ZFHX3: variants seen among roughly 807,000 people sequenced by gnomAD.
ZFHX3 encodes zinc finger homeobox 3, also known as zinc finger homeobox protein 3.
A neutral mutation model predicts 279.1 loss-of-function variants in ZFHX3; 42 were observed. That is an observed-to-expected ratio of 0.15 (90% CI 0.12 to 0.19). The LOEUF (loss-of-function observed/expected upper bound fraction) is 0.19. ZFHX3 is among the 10% of genes least tolerant of loss of function. ZFHX3 has a pLI of 1.00. For missense variants in ZFHX3, 4,981 were observed against 4,754.0 expected, an observed-to-expected ratio of 1.05 and a Z score of -1.40; for synonymous variants, 2,293 against 1,957.8, an observed-to-expected ratio of 1.17 and a Z score of -4.52.
intron 3 of ZFHX3, among the ~76,000 whole-genome samples, chr16:73,384,476 G>A (rs188174794): frequency 2.6e-5 from 4 of 152,340 alleles, no homozygotes; most frequent in South Asian, 2.1e-4. Context: ...CACCCTTTGC[G>A]AAGCAAGGTT....
intron 5 of ZFHX3, among the ~76,000 whole-genome samples, chr16:73,249,064 TC>T (rs2013399974): frequency 6.6e-6 from 1 of 152,184 alleles, no homozygotes; most frequent in South Asian, 2.1e-4. Context: ...CACACTGACC[TC>T]AATAATACGC....
intron 2 of ZFHX3, among the ~76,000 whole-genome samples, chr16:73,596,742 A>G (rs962450815): frequency 6.6e-6 from 1 of 152,160 alleles, no homozygotes; most frequent in African/African-American, 2.4e-5. Flanking sequence ...CTATTACTCT[A>G]TCTTCTCTAC....
intron 5 of ZFHX3, among the ~76,000 whole-genome samples, chr16:73,209,590 C>A (rs572951598): frequency 6.6e-6 from 1 of 152,270 alleles, no homozygotes; most frequent in South Asian, 2.1e-4. Flanking sequence ...GTCCCATCTC[C>A]CAACATTGTT....
intron 3 of ZFHX3, among the ~76,000 whole-genome samples, chr16:73,371,581 CATCCACCAA>C (rs1184534858): frequency 3.3e-5 from 5 of 151,912 alleles, no homozygotes; most frequent in African/African-American, 1.2e-4. Context: ...CAGGAAGCTC[CATCCACCAA>C]AAGGAACTGG....
chr16:73,203,099 C>T (rs989962492), intron 5 of ZFHX3, among the ~76,000 whole-genome samples: 1 of 152,220 alleles, frequency 6.6e-6, no homozygotes, highest in Middle Eastern at 3.4e-3. Flanking sequence ...CTCACACAGC[C>T]TCTTGGTGCC....
At chr16:73,475,592 A>G (rs1156746401) in intron 2 of ZFHX3, among the ~76,000 whole-genome samples, 1 of 152,152 alleles carries the variant, frequency 6.6e-6, no homozygotes, top group Non-Finnish European at 1.5e-5. Context: ...AGTATTACAT[A>G]TAAAAAGTAC....
At chr16:72,810,118 T>C (rs2036397775) in intron 7 of ZFHX3, among the ~76,000 whole-genome samples, 1 of 152,158 alleles carries the variant, frequency 6.6e-6, no homozygotes, top group African/African-American at 2.4e-5. Flanking sequence ...TCTCCTGACC[T>C]CGTGATCCAC....
intron 3 of ZFHX3, among the ~76,000 whole-genome samples, chr16:72,904,058 A>G (rs1285864726): frequency 6.6e-6 from 1 of 152,218 alleles, no homozygotes; most frequent in Non-Finnish European, 1.5e-5. Context: ...AGTTCTCAGC[A>G]CAGCTCCTGA....
intron 4 of ZFHX3, among the ~76,000 whole-genome samples, chr16:73,274,458 T>C (rs2014238980): frequency 6.6e-6 from 1 of 152,232 alleles, no homozygotes; most frequent in South Asian, 2.1e-4. Flanking sequence ...TTCACTTATG[T>C]TCTATTCTAT....
chr16:73,140,182 T>C (rs894548801), intron 6 of ZFHX3, among the ~76,000 whole-genome samples: 3 of 151,340 alleles, frequency 2.0e-5, no homozygotes, highest in East Asian at 2.0e-4. Context: ...TTGGGAAGGA[T>C]TGCTTAAGTT....
intron 3 of ZFHX3, among the ~76,000 whole-genome samples, chr16:72,935,815 C>T (rs1428654911): frequency 6.6e-6 from 1 of 151,998 alleles, no homozygotes; most frequent in African/African-American, 2.4e-5. Flanking sequence ...CCCCAAGACC[C>T]TGGGAAGGCT....
chr16:73,368,639 T>G (rs2016571420), intron 3 of ZFHX3, among the ~76,000 whole-genome samples: 1 of 152,274 alleles, frequency 6.6e-6, no homozygotes. Flanking sequence ...GCACCTTGAC[T>G]ATATTATCCA....
intron 1 of ZFHX3, among the ~76,000 whole-genome samples, chr16:73,760,474 C>A (rs2053852676): frequency 1.3e-5 from 2 of 151,632 alleles, no homozygotes; most frequent in African/African-American, 4.8e-5. Flanking sequence ...AAGCTGGCAG[C>A]ATCATCCTGA....
chr16:73,884,658 C>G (rs537059863), intron 1 of ZFHX3, among the ~76,000 whole-genome samples: 1 of 152,060 alleles, frequency 6.6e-6, no homozygotes, highest in African/African-American at 2.4e-5. Flanking sequence ...AGTCTTTATT[C>G]GCAAAACACA....
intron 3 of ZFHX3, among the ~76,000 whole-genome samples, chr16:72,896,685 A>G (rs2038909165): frequency 6.6e-6 from 1 of 152,208 alleles, no homozygotes; most frequent in African/African-American, 2.4e-5. Flanking sequence ...CCCAGGGAAA[A>G]CTAACCAACT....
chr16:73,004,343 T>G (rs1963626485), intron 1 of ZFHX3, among the ~76,000 whole-genome samples: 1 of 142,920 alleles, frequency 7.0e-6, no homozygotes, highest in Non-Finnish European at 1.5e-5. Flanking sequence ...TTTTTTTTTT[T>G]TTTGAGATGG....
intron 1 of ZFHX3, among the ~76,000 whole-genome samples, chr16:72,961,057 C>T (rs1014331805): frequency 3.3e-5 from 5 of 152,096 alleles, no homozygotes; most frequent in African/African-American, 7.2e-5. Context: ...AGGTGCAAAA[C>T]GTGAGCTTGG....
intron 5 of ZFHX3, among the ~76,000 whole-genome samples, chr16:73,207,773 C>T (rs1441602040): frequency 6.6e-6 from 1 of 152,084 alleles, no homozygotes; most frequent in Non-Finnish European, 1.5e-5. Context: ...AGGAAACAGT[C>T]AGTAATAAGT....
intron 5 of ZFHX3, among the ~76,000 whole-genome samples, chr16:73,233,340 A>C (rs1354731447): frequency 6.6e-6 from 1 of 152,150 alleles, no homozygotes; most frequent in Admixed American, 6.5e-5. Flanking sequence ...TGAAAACCCC[A>C]AAACCAGAAC....
Sources: allele counts gnomAD v4.1 joint callset (sites outside exome capture counted in the v4.1 genomes callset), GRCh38; gene constraint gnomAD v4.1.1; transcripts MANE v1.5; gene names NCBI Gene and HGNC (gene_info 2026-07-23, HGNC 2026-07-21).